The following PIEZO2 variants were observed in gnomAD, a reference collection of about 807,000 sequenced individuals.
PIEZO2 encodes the protein piezo-type mechanosensitive ion channel component 2.
In PIEZO2, 172 loss-of-function variants were observed where a neutral mutation model predicts 337.3. That is an observed-to-expected ratio of 0.51 (90% CI 0.45 to 0.58). The LOEUF (loss-of-function observed/expected upper bound fraction) is 0.58, where lower values mean the gene tolerates loss of function less well. Ranked by LOEUF, PIEZO2 falls within the 20% of genes least tolerant of loss-of-function variation. The pLI is 0.00. For missense variants in PIEZO2, 3,028 were observed against 3,391.3 expected (o/e 0.89, Z 2.66); for synonymous variants, 1,251 against 1,228.5 (o/e 1.02, Z -0.38).
intron 1 of PIEZO2, among the ~76,000 whole-genome samples, chr18:11,098,244 T>TACACAC (rs150739388): frequency 8.1e-4 from 118 of 145,740 alleles, no homozygotes; most frequent in African/African-American, 2.3e-3. Flanking sequence ...AGAAGCAAGA[T>TACACAC]ACACACACAC....
rs1422968152 is a variant in PIEZO2 at position 10,940,330 on chromosome 18, T to A, written c.287-29102A>T. On this transcript the variant is annotated intron_variant, in intron 3 of 55. Transcript: ENST00000674853. This position sits in a 1 kb window ranked among gnomAD's most constrained non-coding sequence, Gnocchi z 5.3. ...ACCCTAACAGATTAGCACCTTTTAG[T>A]TAAGTACAGTGATTCTGTAAAAGTA... 6.6e-6 allele frequency among the ~76,000 whole-genome samples: 1 copy of A among 152,194 alleles called. No homozygotes were observed. Among genetic ancestry groups the A allele is most frequent in the African/African-American group, 2.4e-5 (1 of 41,442 alleles).
At chr18:10,731,919 T>G (rs7236996) in intron 35 of PIEZO2, among the ~76,000 whole-genome samples, 2,341 of 152,276 alleles carry the variant, frequency 0.015, 56 homozygotes, top group African/African-American at 0.052. Context: ...CAAAATAACA[T>G]CTTTAGTAGT....
chr18:10,765,411 G>A (rs55648533), intron 21 of PIEZO2, among the ~76,000 whole-genome samples: 1 of 152,174 alleles, frequency 6.6e-6, no homozygotes, highest in Non-Finnish European at 1.5e-5. Context: ...GGATCCCGGG[G>A]GTCTTATACC....
At chr18:10,922,220 G>A (rs2031464299) in intron 3 of PIEZO2, among the ~76,000 whole-genome samples, 1 of 152,076 alleles carries the variant, frequency 6.6e-6, no homozygotes, top group African/African-American at 2.4e-5. Flanking sequence ...CTACCGACAT[G>A]TGATGTCTCC....
chr18:10,971,977 TTAAGAGATATGG>T (rs1052797255), intron 3 of PIEZO2, among the ~76,000 whole-genome samples: 1 of 152,004 alleles, frequency 6.6e-6, no homozygotes, highest in Non-Finnish European at 1.5e-5. Context: ...GCCAACACTT[TTAAGAGATATGG>T]TAAGAATTAG....
chr18:10,713,560 C>A lies in PIEZO2; in HGVS notation c.5423+1204G>T, dbSNP rs1249632437. 1.3e-5 allele frequency among the ~76,000 whole-genome samples: 2 copies of A among 152,114 alleles called. No homozygotes were observed. Among genetic ancestry groups the A allele is most frequent in the African/African-American group, 2.4e-5 (1 of 41,426 alleles). On this transcript the variant is annotated intron_variant, in intron 39 of 55. Transcript: ENST00000674853. This position sits in a 1 kb window ranked among gnomAD's most constrained non-coding sequence, Gnocchi z 4.5. Reference sequence around the variant, plus strand: ...CTAAAGCCATCCAGGAGTTTCTGACCAGCAGTCAGAGACACCAGTCTCTAC... The same window carrying A: ...CTAAAGCCATCCAGGAGTTTCTGACAAGCAGTCAGAGACACCAGTCTCTAC...
chr18:10,794,402 T>G lies in PIEZO2; in HGVS notation c.1758+370A>C, dbSNP rs2039507857. 6.6e-6 allele frequency among the ~76,000 whole-genome samples: 1 copy of G among 152,232 alleles called. No individual in the cohort carries two copies. Among genetic ancestry groups the G allele is most frequent in the South Asian group, 2.1e-4 (1 of 4,832 alleles). On this transcript the variant is annotated intron_variant, in intron 13 of 55. Coordinates refer to ENST00000674853, the MANE Select transcript of PIEZO2 (RefSeq NM_001378183.1). This position sits in a 1 kb window ranked among gnomAD's most constrained non-coding sequence, Gnocchi z 6.6. ...ATCTGTGACACTAATGCACTAAGCA[T>G]GTTTTATAAAATGATAATCAAAGAC...
At chr18:10,918,062 T>G (rs765005798) in intron 3 of PIEZO2, among the ~76,000 whole-genome samples, 1 of 152,208 alleles carries the variant, frequency 6.6e-6, no homozygotes, top group Non-Finnish European at 1.5e-5. Flanking sequence ...TGATCTTCTG[T>G]TGAAATTTAG....
intron 4 of PIEZO2, among the ~76,000 whole-genome samples, chr18:10,900,361 G>A (rs1041521000): frequency 3.3e-5 from 5 of 152,170 alleles, no homozygotes; most frequent in African/African-American, 1.2e-4. Flanking sequence ...TGATTATATA[G>A]TATCACATAC....
intron 4 of PIEZO2, among the ~76,000 whole-genome samples, chr18:10,907,239 T>C (rs2030024157): frequency 6.6e-6 from 1 of 151,942 alleles, no homozygotes; most frequent in Non-Finnish European, 1.5e-5. Context: ...GGTCAAGAGT[T>C]CAAGACTAGC....
rs145199488 is a variant in PIEZO2 at position 10,788,181 on chromosome 18, C to T, written c.2169+898G>A. On this transcript the variant is annotated intron_variant, in intron 15 of 55. Coordinates refer to ENST00000674853, the MANE Select transcript of PIEZO2 (RefSeq NM_001378183.1). ...CTCTGGAAGGCCGAGGAGGGCAGAT[C>T]GCTTGAAGCCAGGAGTTTGAAACCA... Among the ~76,000 whole-genome samples, 1,115 of 152,146 alleles carry T rather than the reference C, an allele frequency of 7.3e-3. 9 individuals are homozygous for T. Among genetic ancestry groups the T allele is most frequent in the Non-Finnish European group, 0.013 (878 of 67,994 alleles).
intron 1 of PIEZO2, among the ~76,000 whole-genome samples, chr18:11,137,682 G>A (rs1210644013): frequency 6.6e-6 from 1 of 152,144 alleles, no homozygotes; most frequent in East Asian, 1.9e-4. Flanking sequence ...AGCAGCAGGA[G>A]GGAGATGGCA....
chr18:10,897,222 T>C (rs960669443), intron 4 of PIEZO2, among the ~76,000 whole-genome samples: 8 of 151,872 alleles, frequency 5.3e-5, no homozygotes, highest in African/African-American at 1.9e-4. Flanking sequence ...AGCCTCGCTC[T>C]GTCTCCCAGG....
At chr18:10,734,803 C>A (rs1177987519) in intron 35 of PIEZO2, among the ~76,000 whole-genome samples, 3 of 152,070 alleles carry the variant, frequency 2.0e-5, no homozygotes, top group Admixed American at 2.0e-4. Context: ...GAAAGGGACC[C>A]GAATGAGAGA....
intron 18 of PIEZO2, among the ~76,000 whole-genome samples, chr18:10,779,119 A>G (rs2038892502): frequency 6.6e-6 from 1 of 152,164 alleles, no homozygotes; most frequent in African/African-American, 2.4e-5. Context: ...AAAAAACCTG[A>G]CAGGCCTCGT....
chr18:11,113,404 C>T (rs138142774), intron 1 of PIEZO2, among the ~76,000 whole-genome samples: 7 of 152,352 alleles, frequency 4.6e-5, no homozygotes, highest in Non-Finnish European at 1.0e-4. Flanking sequence ...AGGACCTTGA[C>T]TCCCCCTTGA....
rs759893299 is a variant in PIEZO2 at position 10,696,124 on chromosome 18, C to T, written c.7140G>A (p.Val2380=). The T allele has an allele frequency of 4.8e-5, 77 of 1,614,100 alleles. No homozygotes were observed. In the Admixed American group the frequency reaches 8.3e-4, roughly 17 times the overall value. The change falls in exon 47 of 56, where the codon GTG becomes GTA. Residue 2380 remains valine (V), a synonymous_variant. Transcript: ENST00000674853. ...LGKVIFQVIL[V]FGIHFWMFFI... Reference sequence around the variant, plus strand: ...AGAACATCCAGAAGTGAATTCCGAACACAAGAATGACCTGGAAGATGACCT... The same window carrying T: ...AGAACATCCAGAAGTGAATTCCGAATACAAGAATGACCTGGAAGATGACCT...
In PIEZO2 at chr18:10,716,460, A is replaced by G. The variant is rs915743011; in HGVS notation, c.5090-644T>C. On this transcript the variant is annotated intron_variant, in intron 37 of 55. Transcript: ENST00000674853. This position sits in a 1 kb window ranked among gnomAD's most constrained non-coding sequence, Gnocchi z 4.1. ...CACCTGTGCTGTCACTACCCTGGTG[A>G]CACCCAAACCTCAAAACCATGTCAC... Among the ~76,000 whole-genome samples the G allele has an allele frequency of 2.4e-4, 36 of 152,320 alleles. No individual in the cohort carries two copies. Among genetic ancestry groups the G allele is most frequent in the African/African-American group, 8.2e-4 (34 of 41,564 alleles).
Position 10,715,755 on chromosome 18 carries a change from T to C in PIEZO2, c.5151A>G (p.Thr1717=), listed in dbSNP as rs1270973674. Residue 1717 remains threonine, a synonymous_variant, in exon 38 of 56, where the codon ACA becomes ACG. Transcript: ENST00000674853. Reference sequence around the variant, plus strand: ...TAAGCCAAGTAGTGAAACTGTCCACTGTTGCCAGAAATAGGACCCAGGTAA... The same window carrying C: ...TAAGCCAAGTAGTGAAACTGTCCACCGTTGCCAGAAATAGGACCCAGGTAA... ...LKFTWVLFLA[T]VDSFTTWLNS... 2.0e-6 allele frequency: 3 copies of C among 1,535,096 alleles called. No individual in the cohort carries two copies. The Admixed American group carries it at 5.9e-5, about 30-fold the overall frequency.
Sources: gnomAD v4.1 joint callset for allele counts (sites outside exome capture counted in the v4.1 genomes callset) on GRCh38, gnomAD v4.1.1 for gene constraint, Gnocchi (gnomAD v3.1) non-coding constraint, MANE v1.5 for transcripts, NCBI Gene and HGNC (gene_info 2026-07-23, HGNC 2026-07-21) for gene names.